WDFY4: variants seen among roughly 807,000 people sequenced by gnomAD.
The protein encoded by WDFY4 is WDFY family member 4, also known as WD repeat- and FYVE domain-containing protein 4.
WDFY4 carries 169 observed loss-of-function variants against 351.9 expected under a neutral mutation model. The ratio of observed to expected loss-of-function variants is 0.48; its 90% CI spans 0.42 to 0.55. The LOEUF (loss-of-function observed/expected upper bound fraction) is 0.55, where lower values mean the gene tolerates loss of function less well. WDFY4 is among the 20% of genes least tolerant of loss of function. The pLI is 0.00. For missense variants in WDFY4, 3,803 were observed against 3,935.6 expected (o/e 0.97, Z 0.90); for synonymous variants, 1,622 against 1,574.6 (o/e 1.03, Z -0.71).
intron 3 of WDFY4, 104 bp downstream of exon 3, chr10:48,720,229 G>A: frequency 8.5e-7 from 1 of 1,179,266 alleles, no homozygotes. Context: ...TGGAGCTACA[G>A]TGTTGCCTGC....
At chr10:48,879,485 A>T (rs2070161668) in intron 43 of WDFY4, among the ~76,000 whole-genome samples, 1 of 152,244 alleles carries the variant, frequency 6.6e-6, no homozygotes, top group Admixed American at 6.5e-5. Context: ...GAACAATGGC[A>T]GTGCTTTATA....
intron 47 of WDFY4, among the ~76,000 whole-genome samples, chr10:48,913,115 G>C (rs72799311): frequency 0.05 from 7,572 of 152,308 alleles, 234 homozygotes; most frequent in Non-Finnish European, 0.065. Flanking sequence ...CTGGGGGCAA[G>C]AGTAGGATGG....
In WDFY4 at chr10:48,685,545, C is replaced by T. The variant is rs1487157587; in HGVS notation, c.-18+544C>T. ...CCACTGGGTTCTGGTAAGTAGGTGC[C>T]TCCCTGGGCTCACTTCCCTCATCTG... is the stretch of plus-strand genomic sequence containing the variant. On this transcript the variant is annotated intron_variant, in intron 1 of 61. Transcript: ENST00000325239. Among the ~76,000 whole-genome samples, 9 of 152,324 alleles carry T rather than the reference C, an allele frequency of 5.9e-5. No individual in the cohort carries two copies. The East Asian group carries it at 1.7e-3, about 29-fold the overall frequency.
At chr10:48,737,702 A>G (rs2064717956) in intron 11 of WDFY4, among the ~76,000 whole-genome samples, 1 of 152,258 alleles carries the variant, frequency 6.6e-6, no homozygotes, top group Non-Finnish European at 1.5e-5. Flanking sequence ...CGAAACAAAA[A>G]AAGGAAAGTT....
At chr10:48,805,041 G>C (rs1217680865) in intron 25 of WDFY4, among the ~76,000 whole-genome samples, 1 of 152,078 alleles carries the variant, frequency 6.6e-6, no homozygotes, top group Non-Finnish European at 1.5e-5. Flanking sequence ...GTGGTTTCCG[G>C]GGGGCGGAGG....
chr10:48,963,703 C>T (rs1040888705), intron 53 of WDFY4, 139 bp from the exon 54 acceptor site: 2 of 967,284 alleles, frequency 2.1e-6, no homozygotes, highest in Admixed American at 5.0e-5. Context: ...TCTTTGTGCT[C>T]ATCAAGCCCA....
chr10:48,951,147 C>T (rs1007384477), intron 51 of WDFY4, among the ~76,000 whole-genome samples: 15 of 152,192 alleles, frequency 9.9e-5, no homozygotes, highest in Non-Finnish European at 2.2e-4. Context: ...TTGAGCTGGT[C>T]TTATAATTGA....
At chr10:48,727,319 C>G (rs2064303271) in intron 6 of WDFY4, 151 bp from the exon 7 acceptor site, 7 of 858,438 alleles carry the variant, frequency 8.2e-6, no homozygotes, top group Non-Finnish European at 1.2e-5. Context: ...CTGGGGTGGT[C>G]TTCCTGATCC....
intron 49 of WDFY4, among the ~76,000 whole-genome samples, chr10:48,945,200 AC>A (rs1840978828): frequency 6.6e-6 from 1 of 152,074 alleles, no homozygotes; most frequent in Non-Finnish European, 1.5e-5. Flanking sequence ...ACATAGTGAG[AC>A]CCTGTCTCTA....
chr10:48,943,461 A>C lies in WDFY4; in HGVS notation c.7749+12A>C, dbSNP rs1440181629. 1 of 1,550,486 alleles carries C rather than the reference A, an allele frequency of 6.4e-7. No homozygotes were observed. Among genetic ancestry groups the C allele is most frequent in the Admixed American group, 2.0e-5 (1 of 50,946 alleles). On this transcript the variant is annotated intron_variant, in intron 49 of 61. Coordinates refer to ENST00000325239, the MANE Select transcript of WDFY4 (RefSeq NM_001394531.1). ...ACTACACCTCAGAGGTAAGTTCCTC[A>C]CGTGGAAACCACAGCTGCCCTCAGG...
intron 37 of WDFY4, among the ~76,000 whole-genome samples, chr10:48,830,164 G>A (rs1470100049): frequency 6.6e-6 from 1 of 152,198 alleles, no homozygotes; most frequent in Non-Finnish European, 1.5e-5. Context: ...GCTTATACCT[G>A]AAGAATTCCA....
rs12569509 is a variant in WDFY4, at chr10:48,979,518, A to T, written c.9376+1125A>T. 1.3e-3 allele frequency among the ~76,000 whole-genome samples: 194 copies of T among 152,212 alleles called. 2 individuals are homozygous for T. In the East Asian group the frequency reaches 0.034, roughly 27 times the overall value. On this transcript the variant is annotated intron_variant, in intron 60 of 61. Coordinates refer to ENST00000325239, the MANE Select transcript of WDFY4 (RefSeq NM_001394531.1). ...AGCTAAGCCTACGGTTGATGAATGG[A>T]TGTCTGAGAAAGAATGCTGGATGGA...
In WDFY4 at chr10:48,743,227, A is replaced by G. The variant is rs1194382031; in HGVS notation, c.2138A>G (p.Glu713Gly). ...AATGGGCTCTTTGAGAAGCTGGCCG[A>G]GGACCTCTGCCTGCTGGGCTGTTTT... is the stretch of plus-strand genomic sequence containing the variant. ...RRNGLFEKLA[E>G]DLCLLGCFGA... The change falls in exon 12 of 62, where the codon GAG becomes GGG. Residue 713 changes from glutamate (E) to glycine (G), a missense_variant. Glu to Gly is a moderately conservative substitution (Grantham distance 98, BLOSUM62 -2). Coordinates refer to ENST00000325239, the MANE Select transcript of WDFY4 (RefSeq NM_001394531.1). 2 of 1,551,710 alleles carry G rather than the reference A, an allele frequency of 1.3e-6. No individual in the cohort carries two copies. The highest frequency in any genetic ancestry group is 1.4e-5 in the African/African-American group (1 of 73,162).
At position 48,775,808 on chromosome 10, in the gene WDFY4, T is replaced by C; in HGVS notation, c.2863+2T>C. ...ACAGAGGCAACCCTGGGTGCTCAGG[T>C]GAGGACAGTGGCAAGAACGGGGCAG... On this transcript the variant is annotated splice_donor_variant, in intron 15 of 61. Coordinates refer to ENST00000325239, the MANE Select transcript of WDFY4 (RefSeq NM_001394531.1). LOFTEE classifies it high-confidence loss of function. 6.4e-7 allele frequency: 1 copy of C among 1,551,270 alleles called. No homozygotes were observed. The highest frequency in any genetic ancestry group is 8.7e-7 in the Non-Finnish European group (1 of 1,146,606).
intron 20 of WDFY4, among the ~76,000 whole-genome samples, chr10:48,787,900 CTT>C (rs2066502049): frequency 1.8e-4 from 5 of 27,234 alleles, no homozygotes; most frequent in Non-Finnish European, 2.8e-4. Flanking sequence ...TCTCCTTCTT[CTT>C]CTTCTTCTTC....
chr10:48,782,322 T>C (rs1344089517), intron 19 of WDFY4, among the ~76,000 whole-genome samples: 1 of 152,272 alleles, frequency 6.6e-6, no homozygotes, highest in Non-Finnish European at 1.5e-5. Flanking sequence ...CCTTGAGGCA[T>C]GTCTTATTGA....
rs114243071 is a variant in WDFY4, at chr10:48,786,966, G to T, written c.3808+96G>T. On this transcript the variant is annotated intron_variant, in intron 20 of 61. Transcript: ENST00000325239. ...CAGATTTGCAGAGAATAAGCTCAGC[G>T]TTAAAGTCAGTCATTAGGGAAGACC... 2,470 of 1,063,042 alleles carry T rather than the reference G, an allele frequency of 2.3e-3. 30 individuals are homozygous for T. The African/African-American group carries it at 0.035, about 15-fold the overall frequency. The allele number at this position is 1,063,042 out of a possible 1,614,324, so 65.9% of individuals were successfully genotyped here.
At chr10:48,861,619 ATTT>A (rs1384544151) in intron 39 of WDFY4, among the ~76,000 whole-genome samples, 1 of 151,596 alleles carries the variant, frequency 6.6e-6, no homozygotes, top group Non-Finnish European at 1.5e-5. Flanking sequence ...TGTGTTTAGG[ATTT>A]TTTTCTTTGT....
In WDFY4 at chr10:48,775,795, C is replaced by A. The variant is rs1276900306; in HGVS notation, c.2852C>A (p.Pro951His). 6.4e-7 allele frequency: 1 copy of A among 1,551,550 alleles called. No homozygotes were observed. The highest frequency in any genetic ancestry group is 8.7e-7 in the Non-Finnish European group (1 of 1,146,966). ...LDSSHTHRGNPGCSGSQTAQG... is the reference protein window; with the variant it reads ...LDSSHTHRGNHGCSGSQTAQG... Reference sequence around the variant, plus strand: ...TCATCTCACACACACAGAGGCAACCCTGGGTGCTCAGGTGAGGACAGTGGC... The same window carrying A: ...TCATCTCACACACACAGAGGCAACCATGGGTGCTCAGGTGAGGACAGTGGC... The change falls in exon 15 of 62, where the codon CCT (proline) becomes CAT (histidine). Residue 951 changes from proline (P) to histidine (H), a missense_variant. Transcript: ENST00000325239.
Sources: allele counts gnomAD v4.1 joint callset (sites outside exome capture counted in the v4.1 genomes callset), GRCh38; gene constraint gnomAD v4.1.1; transcripts MANE v1.5; gene names NCBI Gene and HGNC (gene_info 2026-07-23, HGNC 2026-07-21).